The following VPS8 variants were observed in gnomAD, a reference collection of about 807,000 sequenced individuals.
The protein encoded by VPS8 is vacuolar protein sorting-associated protein 8 homolog.
VPS8 carries 129 observed loss-of-function variants against 216.4 expected under a neutral mutation model. That is an observed-to-expected ratio of 0.60 (90% CI 0.52 to 0.69). VPS8 has a LOEUF of 0.69. VPS8 is among the 30% of genes least tolerant of loss of function. The pLI is 0.00. For missense variants in VPS8, 1,531 were observed against 1,683.5 expected, an observed-to-expected ratio of 0.91 and a Z score of 1.59; for synonymous variants, 571 against 565.4, an observed-to-expected ratio of 1.01 and a Z score of -0.14.
intron 40 of VPS8, among the ~76,000 whole-genome samples, chr3:184,981,529 G>T (rs1289702581): frequency 6.7e-6 from 1 of 149,830 alleles, no homozygotes; most frequent in East Asian, 2.0e-4. Context: ...CGCCTCCCAG[G>T]TACAAGCGAT....
intron 47 of VPS8, among the ~76,000 whole-genome samples, chr3:185,049,453 G>A (rs1198131602): frequency 3.3e-5 from 5 of 152,124 alleles, no homozygotes; most frequent in African/African-American, 1.2e-4. Flanking sequence ...GACATCCTGT[G>A]GGATCTTGTC....
chr3:184,944,487 C>T, intron 36 of VPS8: 1 of 985,414 alleles, frequency 1.0e-6, no homozygotes, highest in Non-Finnish European at 1.2e-6. Flanking sequence ...TGTGCTTACA[C>T]CCAGCTGCAG....
At chr3:184,932,074 C>G (rs568936136) in intron 34 of VPS8, among the ~76,000 whole-genome samples, 39 of 152,146 alleles carry the variant, frequency 2.6e-4, no homozygotes, top group Non-Finnish European at 3.4e-4. Flanking sequence ...ATTTTTTCAC[C>G]TTGAACTTTT....
In VPS8 at chr3:184,868,010, T is replaced by C; in HGVS notation, c.1471-14T>C. On this transcript the variant is annotated splice_polypyrimidine_tract_variant and intron_variant, in intron 17 of 47. Coordinates refer to ENST00000625842, the MANE Select transcript of VPS8 (RefSeq NM_001009921.3). ...AAGGGTGATCATTTTAATTTCCATC[T>C]CTTTACTTTCCAGTCTGTTTATGTG... 1 of 1,612,534 alleles carries C rather than the reference T, an allele frequency of 6.2e-7. No homozygotes were observed. The highest frequency in any genetic ancestry group is 1.1e-5 in the South Asian group (1 of 90,910).
At position 184,919,438 on chromosome 3, in the gene VPS8, A is replaced by G. The variant is rs549618700; in HGVS notation, c.2383-689A>G. Reference sequence around the variant, plus strand: ...TAGTGGACATAATCTCAATTTCTTCATATATACTATATGTACTAGGTTTTT... The same window carrying G: ...TAGTGGACATAATCTCAATTTCTTCGTATATACTATATGTACTAGGTTTTT... On this transcript the variant is annotated intron_variant, in intron 28 of 47. Coordinates refer to ENST00000625842, the MANE Select transcript of VPS8 (RefSeq NM_001009921.3). Among the ~76,000 whole-genome samples the G allele has an allele frequency of 2.8e-4, 42 of 152,306 alleles. 1 individual carries two copies. Among genetic ancestry groups the G allele is most frequent in the Non-Finnish European group, 2.8e-4 (19 of 68,012 alleles).
chr3:184,867,048 A>G, intron 17 of VPS8, 98 bp downstream of exon 17: 1 of 1,099,798 alleles, frequency 9.1e-7, no homozygotes, highest in Non-Finnish European at 1.3e-6. Context: ...TGCAAAGTGA[A>G]TATTGGTCAG....
intron 29 of VPS8, 142 bp from the exon 30 acceptor site, chr3:184,924,720 T>A (rs1313826864): frequency 2.7e-6 from 3 of 1,094,436 alleles, no homozygotes; most frequent in East Asian, 2.6e-5. Context: ...TAAATGGCGT[T>A]GAATTCAATT....
chr3:184,911,359 T>G (rs567918859), intron 25 of VPS8, among the ~76,000 whole-genome samples: 1 of 152,346 alleles, frequency 6.6e-6, no homozygotes, highest in South Asian at 2.1e-4. Context: ...GCTAGATATA[T>G]TCTACCTGAG....
chr3:184,962,318 A>G (rs909981555), intron 37 of VPS8, among the ~76,000 whole-genome samples: 1 of 152,224 alleles, frequency 6.6e-6, no homozygotes, highest in Non-Finnish European at 1.5e-5. Flanking sequence ...CAAGTAGTGT[A>G]GTTCTACTGA....
At chr3:185,038,334 A>G (rs1309842975) in intron 46 of VPS8, among the ~76,000 whole-genome samples, 1 of 152,178 alleles carries the variant, frequency 6.6e-6, no homozygotes, top group Non-Finnish European at 1.5e-5. Flanking sequence ...TGATTGCTCT[A>G]TTGTTTCCAC....
intron 1 of VPS8, among the ~76,000 whole-genome samples, chr3:184,814,910 G>C (rs954691455): frequency 4.6e-5 from 7 of 152,008 alleles, no homozygotes; most frequent in Non-Finnish European, 8.8e-5. Context: ...ATAAAACTTA[G>C]CTTAAAATAC....
intron 13 of VPS8, 121 bp from the exon 14 acceptor site, chr3:184,855,590 G>GGGGAAAGCA: frequency 1.2e-6 from 1 of 816,736 alleles, no homozygotes; most frequent in South Asian, 1.6e-5. Flanking sequence ...TTGCTTTACT[G>GGGGAAAGCA]AGAAATTGGG....
At chr3:184,873,014 C>G (rs1048466917) in intron 21 of VPS8, among the ~76,000 whole-genome samples, 1 of 152,094 alleles carries the variant, frequency 6.6e-6, no homozygotes, top group African/African-American at 2.4e-5. Context: ...ATGATATGGT[C>G]CAGACTGTGC....
chr3:184,955,967 C>CAAAA (rs63345161), intron 36 of VPS8, among the ~76,000 whole-genome samples: 1 of 146,564 alleles, frequency 6.8e-6, no homozygotes, highest in Admixed American at 6.8e-5. Flanking sequence ...TTATAAGATA[C>CAAAA]AAAAAAAAAA....
At chr3:184,916,859 T>C (rs1000046852) in intron 28 of VPS8, among the ~76,000 whole-genome samples, 5 of 152,214 alleles carry the variant, frequency 3.3e-5, no homozygotes, top group African/African-American at 9.6e-5. Flanking sequence ...TTTGGAATTA[T>C]GCTGATGTCT....
At chr3:184,900,060 T>C (rs1734206731) in intron 24 of VPS8, among the ~76,000 whole-genome samples, 1 of 152,226 alleles carries the variant, frequency 6.6e-6, no homozygotes, top group Non-Finnish European at 1.5e-5. Context: ...AAGCGTGTCA[T>C]CACATTTGAG....
intron 1 of VPS8, chr3:184,812,729 TC>T: frequency 6.6e-6 from 1 of 152,166 alleles, no homozygotes; most frequent in Non-Finnish European, 1.5e-5. Flanking sequence ...GCGCGCCCGC[TC>T]CCCCGACTGT....
At position 184,846,033 on chromosome 3, in the gene VPS8, T is replaced by C. The variant is rs573268059; in HGVS notation, c.541+2788T>C. On this transcript the variant is annotated intron_variant, in intron 8 of 47. Transcript: ENST00000625842. ...AGTGAGATAATGGGCATTTTCTACA[T>C]TTTACAGATGAAGATAGGGAGGCTA... 2.6e-5 allele frequency among the ~76,000 whole-genome samples: 4 copies of C among 152,268 alleles called. No individual in the cohort carries two copies. The South Asian group carries it at 8.3e-4, about 32-fold the overall frequency.
intron 2 of VPS8, 128 bp from the exon 3 acceptor site, chr3:184,826,035 T>C: frequency 9.3e-6 from 6 of 648,624 alleles, no homozygotes; most frequent in Non-Finnish European, 1.3e-5. Flanking sequence ...TTACTGTGGA[T>C]TTTTGAGTTG....
Sources: gnomAD v4.1 joint callset for allele counts (sites outside exome capture counted in the v4.1 genomes callset) on GRCh38, gnomAD v4.1.1 for gene constraint, MANE v1.5 for transcripts, NCBI Gene and HGNC (gene_info 2026-07-23, HGNC 2026-07-21) for gene names.